The following PBX1 variants were observed in gnomAD, a reference collection of about 807,000 sequenced individuals.
PBX1 encodes pre-B-cell leukemia transcription factor 1.
Under a neutral mutation model 53.4 loss-of-function variants are expected in PBX1, and 6 were observed. The observed-to-expected ratio is 0.11, with a 90% CI of 0.06 to 0.22. The LOEUF is 0.22. PBX1 is among the 10% of genes least tolerant of loss of function. PBX1 has a pLI of 1.00. For synonymous variants in PBX1, 204 were observed against 212.3 expected (o/e 0.96, Z 0.34); for missense variants, 251 against 551.4 (o/e 0.46, Z 5.46).
At chr1:164,627,114 A>G (rs1658097366) in intron 2 of PBX1, among the ~76,000 whole-genome samples, 1 of 152,162 alleles carries the variant, frequency 6.6e-6, no homozygotes, top group Admixed American at 6.5e-5. Flanking sequence ...TAATGCCTTG[A>G]CAGGAGGGGT....
intron 2 of PBX1, chr1:164,641,787 A>T (rs1413873859): frequency 6.6e-6 from 1 of 152,226 alleles, no homozygotes; most frequent in Non-Finnish European, 1.5e-5. Flanking sequence ...AAATGGTGTG[A>T]ACATCTGGAT....
chr1:164,798,248 C>T (rs931052742), intron 3 of PBX1, among the ~76,000 whole-genome samples: 50 of 152,264 alleles, frequency 3.3e-4, no homozygotes, highest in African/African-American at 1.1e-3. Flanking sequence ...ATTGTTATTG[C>T]GTTGTCGACA....
intron 2 of PBX1, among the ~76,000 whole-genome samples, chr1:164,782,435 CA>C (rs1371168758): frequency 6.6e-6 from 1 of 152,162 alleles, no homozygotes; most frequent in African/African-American, 2.4e-5. Flanking sequence ...ATCATATTAT[CA>C]GTGGTAGGTC....
At chr1:164,671,688 G>A (rs7548744) in intron 2 of PBX1, among the ~76,000 whole-genome samples, 2,418 of 152,174 alleles carry the variant, frequency 0.016, 46 homozygotes, top group South Asian at 0.055. Flanking sequence ...GATTTTTTCT[G>A]GGGGGCAGGG....
At position 164,848,507 on chromosome 1, in the gene PBX1, G is replaced by T. The variant is rs1275421805; in HGVS notation, c.*1831G>T. 9.4e-7 allele frequency: 1 copy of T among 1,058,654 alleles called. No homozygotes were observed. The highest frequency in any genetic ancestry group is 1.6e-5 in the African/African-American group (1 of 60,688). 65.6% of individuals were successfully genotyped at this position (1,058,654 alleles called of 1,614,324 possible). A position where few individuals can be genotyped will look rare whatever the true frequency, so the allele number is the denominator to read the frequency against. On this transcript the variant is annotated 3_prime_UTR_variant, in exon 9 of 9. Transcript: ENST00000420696. ...TTCATGCCATCTAGGGACAATAAAT[G>T]GTTTTCTTGTTGTAACTTCTGGTTA...
chr1:164,656,072 T>C (rs139157735), intron 2 of PBX1, among the ~76,000 whole-genome samples: 3,430 of 152,294 alleles, frequency 0.023, 64 homozygotes, highest in Non-Finnish European at 0.036. Flanking sequence ...AGAAATGATA[T>C]TTTTAAAAGA....
At chr1:164,577,458 C>T (rs1334428605) in intron 2 of PBX1, among the ~76,000 whole-genome samples, 2 of 152,190 alleles carry the variant, frequency 1.3e-5, no homozygotes, top group Non-Finnish European at 2.9e-5. Context: ...TGCCCATGCA[C>T]GCATAGTTGC....
At chr1:164,807,702 G>A in intron 5 of PBX1, 25 bp downstream of exon 5, 1 of 1,612,080 alleles carries the variant, frequency 6.2e-7, no homozygotes. Flanking sequence ...AAAAGCCTCA[G>A]CCTGTAGCCT....
intron 2 of PBX1, among the ~76,000 whole-genome samples, chr1:164,745,778 G>T (rs1313265263): frequency 6.6e-6 from 1 of 152,184 alleles, no homozygotes; most frequent in South Asian, 2.1e-4. Flanking sequence ...TTTTCCAAGA[G>T]CCTTCAGAAA....
In PBX1 at chr1:164,622,698, A is replaced by T. The variant is rs191893462; in HGVS notation, c.265+59387A>T. Among the ~76,000 whole-genome samples the T allele has an allele frequency of 3.9e-5, 6 of 152,274 alleles. No homozygotes were observed. The East Asian group carries it at 1.2e-3, about 29-fold the overall frequency. ...GATATATTTAGAAACACTTCTATGA[A>T]ATATGGAATCCAGGCTTAACCAGCT... On this transcript the variant is annotated intron_variant, in intron 2 of 8. Coordinates refer to ENST00000420696, the MANE Select transcript of PBX1 (RefSeq NM_002585.4).
chr1:164,667,227 G>A (rs1299241031), intron 2 of PBX1, among the ~76,000 whole-genome samples: 1 of 151,996 alleles, frequency 6.6e-6, no homozygotes, highest in African/African-American at 2.4e-5. Flanking sequence ...TCTTGCACTG[G>A]GCGTGTATTT....
intron 2 of PBX1, among the ~76,000 whole-genome samples, chr1:164,631,984 T>C (rs1344541071): frequency 6.6e-6 from 1 of 152,224 alleles, no homozygotes; most frequent in Non-Finnish European, 1.5e-5. Flanking sequence ...CCATCAGCCG[T>C]AGAGAGGCAA....
At chr1:164,825,189 C>G (rs921269367) in intron 8 of PBX1, among the ~76,000 whole-genome samples, 1 of 152,148 alleles carries the variant, frequency 6.6e-6, no homozygotes, top group Non-Finnish European at 1.5e-5. Flanking sequence ...CACAAATGTC[C>G]TTTCATTCCC....
In PBX1 at chr1:164,598,211, A is replaced by G. The variant is rs1207866079; in HGVS notation, c.265+34900A>G. ...GGCAGAGGGATTCAGTTTCCAACACATGAATTTTTGGGAGACATATTCAAA... is the reference window on the plus strand; with the variant it reads ...GGCAGAGGGATTCAGTTTCCAACACGTGAATTTTTGGGAGACATATTCAAA... On this transcript the variant is annotated intron_variant, in intron 2 of 8. Coordinates refer to ENST00000420696, the MANE Select transcript of PBX1 (RefSeq NM_002585.4). 4.6e-5 allele frequency among the ~76,000 whole-genome samples: 7 copies of G among 152,180 alleles called. No homozygotes were observed. The East Asian group carries it at 9.6e-4, about 21-fold the overall frequency.
At chr1:164,654,062 T>A (rs1431362946) in intron 2 of PBX1, among the ~76,000 whole-genome samples, 1 of 152,192 alleles carries the variant, frequency 6.6e-6, no homozygotes, top group Non-Finnish European at 1.5e-5. Context: ...TAGAGTCAAC[T>A]CAAGGATATC....
chr1:164,877,089 T>C lies in PBX1; in HGVS notation n.258-22099T>C, dbSNP rs565790798. ...TTCTGTGACAACCCTGTGAAGTAAGTTTTTTTTTTTGCCTGTAAGTTTCTC... is the reference window on the plus strand; with the variant it reads ...TTCTGTGACAACCCTGTGAAGTAAGCTTTTTTTTTTGCCTGTAAGTTTCTC... On this transcript the variant is annotated intron_variant and non_coding_transcript_variant, in intron 2 of 2. Coordinates refer to the PBX1 transcript ENST00000558796. Among the ~76,000 whole-genome samples, 4 of 139,640 alleles carry C rather than the reference T, an allele frequency of 2.9e-5. No individual in the cohort carries two copies. In the East Asian group the frequency reaches 8.3e-4, roughly 29 times the overall value. The allele number at this position is 139,640 out of a possible 152,430, so 91.6% of individuals were successfully genotyped here.
At chr1:164,835,751 G>T (rs1314657389) in intron 8 of PBX1, among the ~76,000 whole-genome samples, 1 of 152,120 alleles carries the variant, frequency 6.6e-6, no homozygotes, top group Non-Finnish European at 1.5e-5. Context: ...GTGGAATAAG[G>T]CCCCAAGTCT....
chr1:164,689,868 G>A (rs945734151), intron 2 of PBX1, among the ~76,000 whole-genome samples: 1 of 151,590 alleles, frequency 6.6e-6, no homozygotes, highest in African/African-American at 2.4e-5. Flanking sequence ...CTCCCCTTGA[G>A]CTTTTTCAGT....
intron 2 of PBX1, among the ~76,000 whole-genome samples, chr1:164,694,946 G>A (rs1055836562): frequency 7.9e-5 from 12 of 152,014 alleles, no homozygotes; most frequent in Non-Finnish European, 1.8e-4. Context: ...GCAGCCCATC[G>A]CATCTGAGGC....
Sources: gnomAD v4.1 joint callset for allele counts (sites outside exome capture counted in the v4.1 genomes callset) on GRCh38, gnomAD v4.1.1 for gene constraint, MANE v1.5 for transcripts, NCBI Gene and HGNC (gene_info 2026-07-23, HGNC 2026-07-21) for gene names.